KRR1: variants seen among roughly 807,000 people sequenced by gnomAD.
KRR1 encodes the protein KRR1 small subunit processome component.
KRR1 carries 23 observed loss-of-function variants against 50.0 expected under a neutral mutation model. The observed-to-expected ratio is 0.46, with a 90% CI of 0.33 to 0.65. KRR1 has a LOEUF of 0.65. KRR1 is among the 30% of genes least tolerant of loss of function. KRR1 has a pLI of 0.02. For missense variants in KRR1, 419 were observed against 442.4 expected (o/e 0.95, Z 0.47); for synonymous variants, 133 against 146.3 (o/e 0.91, Z 0.66).
At chr12:75,506,153 T>C (rs1292975563) in intron 5 of KRR1, 163 bp downstream of exon 5, 6 of 535,692 alleles carry the variant, frequency 1.1e-5, no homozygotes, top group African/African-American at 7.8e-5. Context: ...GGTCCAGATA[T>C]GATGATTCCC....
At position 75,506,458 on chromosome 12, in the gene KRR1, C is replaced by G. The variant is rs747236002; in HGVS notation, c.519+26G>C. 9 of 1,604,678 alleles carry G rather than the reference C, an allele frequency of 5.6e-6. 1 individual carries two copies. The highest frequency in any genetic ancestry group is 3.5e-5 in the Admixed American group (2 of 56,602). On this transcript the variant is annotated intron_variant, in intron 4 of 9. Transcript: ENST00000229214. ...CTGAAAAAGTATTAAGGAAGAGACT[C>G]AAGTTTTCCACTAATTAAAAAATAC...
chr12:75,498,568 G>T lies in KRR1; in HGVS notation c.*1241C>A. On this transcript the variant is annotated 3_prime_UTR_variant, in exon 10 of 10. Coordinates refer to ENST00000229214, the MANE Select transcript of KRR1 (RefSeq NM_007043.7). ...AAAAAGTTTTGAATAATTAAACTTG[G>T]AAAGTCACTGCAATAAAGCCAAAGC... 1 of 687,712 alleles carries T rather than the reference G, an allele frequency of 1.5e-6. No homozygotes were observed. Among genetic ancestry groups the T allele is most frequent in the South Asian group, 1.9e-5 (1 of 51,976 alleles). 42.6% of individuals were successfully genotyped at this position (687,712 alleles called of 1,614,324 possible).
chr12:75,490,950 T>A lies in KRR1; in HGVS notation c.*8859A>T, dbSNP rs894996888. Reference sequence around the variant, plus strand: ...CCTCAACTTATATAACCTATTTCATTTACTTTTGACAGTTGTTTTTAAAAC... The same window carrying A: ...CCTCAACTTATATAACCTATTTCATATACTTTTGACAGTTGTTTTTAAAAC... On this transcript the variant is annotated 3_prime_UTR_variant, in exon 10 of 10. Transcript: ENST00000229214. 6.5e-6 allele frequency: 1 copy of A among 154,090 alleles called. No individual in the cohort carries two copies. Among genetic ancestry groups the A allele is most frequent in the African/African-American group, 2.4e-5 (1 of 41,462 alleles). The allele number at this position is 154,090 out of a possible 1,614,324, so 9.5% of individuals were successfully genotyped here. A position where few individuals can be genotyped will look rare whatever the true frequency, so the allele number is the denominator to read the frequency against.
chr12:75,508,112 A>G (rs1342761374), intron 2 of KRR1, among the ~76,000 whole-genome samples, 162 bp downstream of exon 2: 2 of 152,200 alleles, frequency 1.3e-5, no homozygotes, highest in African/African-American at 4.8e-5. Context: ...AACATTAGGT[A>G]AGAAGAAAAC....
Position 75,511,588 on chromosome 12 carries a change from G to C in KRR1, c.10C>G (p.Pro4Ala), listed in dbSNP as rs980996973. The change falls in exon 1 of 10, where the codon CCC becomes GCC. Residue 4 changes from proline to alanine, a missense_variant. Physicochemically the swap from Pro to Ala is conservative, Grantham distance 27. Transcript: ENST00000229214. ...CCTTTTTCTGGCCGCTCCAGCGAGG[G>C]AGACGCCATTTGCAAGCTGCTTCCG... MASPSLERPEKGAG... is the reference protein window; with the variant it reads MASASLERPEKGAG... The C allele has an allele frequency of 1.9e-6, 3 of 1,613,898 alleles. No homozygotes were observed. Among genetic ancestry groups the C allele is most frequent in the African/African-American group, 1.3e-5 (1 of 74,924 alleles).
Position 75,498,953 on chromosome 12 carries a change from A to C in KRR1, c.*856T>G. The C allele has an allele frequency of 6.2e-7, 1 of 1,601,804 alleles. No homozygotes were observed. Among genetic ancestry groups the C allele is most frequent in the Non-Finnish European group, 8.5e-7 (1 of 1,175,350 alleles). ...ATTACCATTTTGGTACAGCACAAGTACCCTAATTTAGTTCTTTTGGACTAA... is the reference window on the plus strand; with the variant it reads ...ATTACCATTTTGGTACAGCACAAGTCCCCTAATTTAGTTCTTTTGGACTAA... On this transcript the variant is annotated 3_prime_UTR_variant, in exon 10 of 10. Coordinates refer to ENST00000229214, the MANE Select transcript of KRR1 (RefSeq NM_007043.7).
Position 75,501,749 on chromosome 12 carries a change from T to C in KRR1, c.977A>G (p.Glu326Gly). The C allele has an allele frequency of 6.2e-7, 1 of 1,610,606 alleles. No individual in the cohort carries two copies. Among genetic ancestry groups the C allele is most frequent in the Non-Finnish European group, 8.5e-7 (1 of 1,177,872 alleles). The change falls in exon 9 of 10, where the codon GAA becomes GGA. Residue 326 changes from glutamate to glycine, a missense_variant. Transcript: ENST00000229214. ...TTCCTTAGGTTTCACAATTGGTTTT[T>C]CCTTAGGTGGAATAAATGCTTTGTT... ...ERNKAFIPPK[E>G]KPIVKPKEAS...
Position 75,511,528 on chromosome 12 carries a change from T to G in KRR1, c.70A>C (p.Lys24Gln). ...ATAACATCACCTTGGTTCTCCGGCT[T>G]CGGCTTCTGGTTACGAAATTCACTT... ...GKSEFRNQKP[K>Q]PENQDESELL... The change falls in exon 1 of 10, where the codon AAG becomes CAG. Residue 24 changes from lysine to glutamine, a missense_variant. Transcript: ENST00000229214. 6.2e-7 allele frequency: 1 copy of G among 1,614,154 alleles called. No homozygotes were observed. Among genetic ancestry groups the G allele is most frequent in the African/African-American group, 1.3e-5 (1 of 75,066 alleles).
chr12:75,499,815 T>C lies in KRR1; in HGVS notation c.1140A>G (p.Lys380=). The stretch of plus-strand genomic sequence containing the variant: ...TCAAGGAGTTTTGGGTATGTTACTT[T>C]TTTTTCTTCTTTTTCTTTTCATCTG... The part of the protein sequence containing the change: ...MEADEKKKKK[K]K Residue 380 remains lysine (K), a synonymous_variant, in exon 10 of 10, where the codon AAA becomes AAG. Coordinates refer to ENST00000229214, the MANE Select transcript of KRR1 (RefSeq NM_007043.7). The C allele has an allele frequency of 1.3e-6, 2 of 1,598,678 alleles. No homozygotes were observed. Among genetic ancestry groups the C allele is most frequent in the Non-Finnish European group, 1.7e-6 (2 of 1,174,760 alleles).
chr12:75,503,942 C>T lies in KRR1; in HGVS notation c.793G>A (p.Glu265Lys), dbSNP rs1338119127. 43 of 1,611,880 alleles carry T rather than the reference C, an allele frequency of 2.7e-5. No individual in the cohort carries two copies. Among genetic ancestry groups the T allele is most frequent in the Admixed American group, 8.4e-5 (5 of 59,836 alleles). Reference protein sequence around the residue: ...KEPKKKTVKKEYTPFPPPQPE... With the variant: ...KEPKKKTVKKKYTPFPPPQPE... Reference sequence around the variant, plus strand: ...TGTGGTGGTGGGAATGGCGTATATTCTTTCTTAACAGTTTTTTTCTTTGGT... The same window carrying T: ...TGTGGTGGTGGGAATGGCGTATATTTTTTCTTAACAGTTTTTTTCTTTGGT... Residue 265 changes from glutamate to lysine, a missense_variant, in exon 7 of 10, where the codon GAA becomes AAA. Glu to Lys is a moderately conservative substitution (Grantham distance 56, BLOSUM62 1). Transcript: ENST00000229214.
Position 75,508,155 on chromosome 12 carries a change from A to T in KRR1, c.258+119T>A, listed in dbSNP as rs973482511. 5 of 563,732 alleles carry T rather than the reference A, an allele frequency of 8.9e-6. No homozygotes were observed. The African/African-American group carries it at 9.8e-5, about 11-fold the overall frequency. 34.9% of individuals were successfully genotyped at this position (563,732 alleles called of 1,614,324 possible). ...AATAGTTTAGAATACCAAAGGAACC[A>T]AAGTAACCAGCTATGTTAGCACCAT... On this transcript the variant is annotated intron_variant, in intron 2 of 9. Transcript: ENST00000229214.
In KRR1 at chr12:75,504,054, C is replaced by A. The variant is rs1225230836; in HGVS notation, c.681G>T (p.Glu227Asp). 5 of 1,611,218 alleles carry A rather than the reference C, an allele frequency of 3.1e-6. No individual in the cohort carries two copies. The highest frequency in any genetic ancestry group is 4.2e-6 in the Non-Finnish European group (5 of 1,178,266). Residue 227 changes from glutamate (E) to aspartate (D), a missense_variant, in exon 7 of 10, where the codon GAG becomes GAT. Physicochemically the swap from Glu to Asp is conservative, Grantham distance 45 (BLOSUM62 2). Coordinates refer to ENST00000229214, the MANE Select transcript of KRR1 (RefSeq NM_007043.7). ...ATCGTAATTCAGAATCTTTTGCCAA[C>A]TCTCTCTTAATCATTAAGCTCTTTA... ...YNIKSLMIKR[E>D]LAKDSELRSQ...
chr12:75,508,578 A>G, intron 1 of KRR1, 132 bp from the exon 2 acceptor site: 2 of 534,810 alleles, frequency 3.7e-6, no homozygotes, highest in East Asian at 3.3e-5. Flanking sequence ...TACTCCTTGC[A>G]TTTCCTTTTC....
intron 1 of KRR1, among the ~76,000 whole-genome samples, chr12:75,509,205 A>G (rs2046435504): frequency 6.6e-6 from 1 of 152,206 alleles, no homozygotes; most frequent in African/African-American, 2.4e-5. Flanking sequence ...CTTAATTTCA[A>G]TAGCTATACT....
Position 75,495,888 on chromosome 12 carries a change from AC to A in KRR1, c.*3920del. The A allele has an allele frequency of 6.3e-6, 2 of 318,674 alleles. No homozygotes were observed. The highest frequency in any genetic ancestry group is 1.1e-5 in the Non-Finnish European group (2 of 174,900). 19.7% of individuals were successfully genotyped at this position (318,674 alleles called of 1,614,324 possible). A position where few individuals can be genotyped will look rare whatever the true frequency, so the allele number is the denominator to read the frequency against. On this transcript the variant is annotated 3_prime_UTR_variant, in exon 10 of 10. Coordinates refer to ENST00000229214, the MANE Select transcript of KRR1 (RefSeq NM_007043.7). ...AGTTCTAATTGGTCAAACAACAACA[AC>A]AAAAAAAACTGTCAGAAACTGTAGA...
intron 7 of KRR1, chr12:75,502,259 T>C (rs1008478592): frequency 1.6e-5 from 5 of 320,336 alleles, no homozygotes; most frequent in Admixed American, 4.6e-5. Flanking sequence ...TTCAGAAAAG[T>C]GTGAGAAGAA....
In KRR1 at chr12:75,503,975, G is replaced by A. The variant is rs368830982; in HGVS notation, c.760C>T (p.Arg254Cys). 1.7e-5 allele frequency: 27 copies of A among 1,611,648 alleles called. No homozygotes were observed. The highest frequency in any genetic ancestry group is 8.9e-5 in the East Asian group (4 of 44,836). ...PQFKHKNVNK[R>C]KEPKKKTVKK... Reference sequence around the variant, plus strand: ...ACAGTTTTTTTCTTTGGTTCCTTGCGTTTATTCACATTTTTGTGTTTGAAC... The same window carrying A: ...ACAGTTTTTTTCTTTGGTTCCTTGCATTTATTCACATTTTTGTGTTTGAAC... Residue 254 changes from arginine (R) to cysteine (C), a missense_variant, in exon 7 of 10, where the codon CGC becomes TGC. Coordinates refer to ENST00000229214, the MANE Select transcript of KRR1 (RefSeq NM_007043.7).
Position 75,506,517 on chromosome 12 carries a change from T to C in KRR1, c.486A>G (p.Gln162=), listed in dbSNP as rs2046422293. 1.9e-6 allele frequency: 3 copies of C among 1,612,252 alleles called. No homozygotes were observed. Among genetic ancestry groups the C allele is most frequent in the Non-Finnish European group, 2.5e-6 (3 of 1,179,352 alleles). The change falls in exon 4 of 10, where the codon CAA becomes CAG. Residue 162 remains glutamine, a synonymous_variant. Coordinates refer to ENST00000229214, the MANE Select transcript of KRR1 (RefSeq NM_007043.7). The part of the protein sequence containing the change: ...RNKERFVKRR[Q]RLIGPKGSTL... ...TAGATCCTTTGGGACCAATAAGCCG[T>C]TGTCTTCGTTTTACAAATCTCTCTT...
At chr12:75,510,930 G>T (rs1003211254) in intron 1 of KRR1, among the ~76,000 whole-genome samples, 1 of 152,128 alleles carries the variant, frequency 6.6e-6, no homozygotes, top group Non-Finnish European at 1.5e-5. Flanking sequence ...TCACACTGAA[G>T]AAAACGGGTA....
Sources: gnomAD v4.1 joint callset for allele counts (sites outside exome capture counted in the v4.1 genomes callset) on GRCh38, gnomAD v4.1.1 for gene constraint, MANE v1.5 for transcripts, NCBI Gene and HGNC (gene_info 2026-07-23, HGNC 2026-07-21) for gene names.